The following SLX4IP variants were observed in gnomAD, a reference collection of about 807,000 sequenced individuals.
The protein encoded by SLX4IP is protein SLX4IP.
SLX4IP carries 34 observed loss-of-function variants against 32.9 expected under a neutral mutation model. The ratio of observed to expected loss-of-function variants is 1.03; its 90% confidence interval spans 0.79 to 1.38. SLX4IP has a LOEUF of 1.38. Ranked by LOEUF, SLX4IP falls within the 40% of genes most tolerant of loss-of-function variation. The pLI, the probability that SLX4IP is intolerant of heterozygous loss-of-function variation, is 0.00. For synonymous variants in SLX4IP, 172 were observed against 171.7 expected (o/e 1.00, Z -0.01); for missense variants, 444 against 479.0 (o/e 0.93, Z 0.68).
intron 2 of SLX4IP, among the ~76,000 whole-genome samples, chr20:10,537,733 T>G (rs1039918335): frequency 2.6e-5 from 4 of 152,242 alleles, no homozygotes; most frequent in African/African-American, 9.6e-5. Flanking sequence ...CTTTAAGTTT[T>G]ACCCTTATGC....
chr20:10,488,582 C>T (rs640415), intron 2 of SLX4IP, among the ~76,000 whole-genome samples: 59,377 of 151,870 alleles, frequency 0.39, 11,830 homozygotes, highest in Non-Finnish European at 0.43. Flanking sequence ...TTGTAAAATG[C>T]TGAGCAAGCC....
chr20:10,598,662 T>G lies in SLX4IP; in HGVS notation c.239-13T>G. 1 of 1,613,422 alleles carries G rather than the reference T, an allele frequency of 6.2e-7. No homozygotes were observed. The highest frequency in any genetic ancestry group is 8.5e-7 in the Non-Finnish European group (1 of 1,179,310). Reference sequence around the variant, plus strand: ...ACAAACTTAACTTAGTGATGTTCCCTTTCACTTTCCAGGTTATGGCTTTCA... The same window carrying G: ...ACAAACTTAACTTAGTGATGTTCCCGTTCACTTTCCAGGTTATGGCTTTCA... On this transcript the variant is annotated splice_polypyrimidine_tract_variant and intron_variant, in intron 4 of 7. Transcript: ENST00000334534.
At chr20:10,490,302 C>T (rs2065611670) in intron 2 of SLX4IP, among the ~76,000 whole-genome samples, 1 of 151,582 alleles carries the variant, frequency 6.6e-6, no homozygotes, top group Admixed American at 6.6e-5. Context: ...TTAAAATATT[C>T]CATTTCCGGG....
intron 2 of SLX4IP, among the ~76,000 whole-genome samples, chr20:10,511,004 G>A (rs1489541560): frequency 1.3e-5 from 2 of 152,214 alleles, no homozygotes; most frequent in Non-Finnish European, 2.9e-5. Context: ...CACTGGGCCT[G>A]TTGTTGGAGA....
chr20:10,491,756 C>T (rs765530295), intron 2 of SLX4IP, among the ~76,000 whole-genome samples: 1 of 152,068 alleles, frequency 6.6e-6, no homozygotes, highest in African/African-American at 2.4e-5. Context: ...ACTCATTGTT[C>T]AACGTAATAG....
At chr20:10,582,886 C>T (rs2066600969) in intron 4 of SLX4IP, among the ~76,000 whole-genome samples, 2 of 152,034 alleles carry the variant, frequency 1.3e-5, no homozygotes, top group East Asian at 3.9e-4. Flanking sequence ...GATTTATGTT[C>T]TGAGACTTTG....
chr20:10,516,678 G>C (rs1001593309), intron 2 of SLX4IP, among the ~76,000 whole-genome samples: 1 of 152,224 alleles, frequency 6.6e-6, no homozygotes, highest in Non-Finnish European at 1.5e-5. Context: ...AGCTGTGATA[G>C]AAATATCAAG....
At chr20:10,591,222 A>G (rs2066705651) in intron 4 of SLX4IP, among the ~76,000 whole-genome samples, 2 of 152,218 alleles carry the variant, frequency 1.3e-5, no homozygotes, top group South Asian at 4.1e-4. Context: ...TAGGTATAGC[A>G]TCTTCTCACT....
chr20:10,532,237 T>G (rs1202588222), intron 2 of SLX4IP, among the ~76,000 whole-genome samples: 6 of 152,154 alleles, frequency 3.9e-5, no homozygotes, highest in African/African-American at 1.4e-4. Context: ...AATCAAAAGA[T>G]TGATGTCACC....
chr20:10,538,291 A>AT (rs1555812845), intron 2 of SLX4IP, among the ~76,000 whole-genome samples: 18 of 151,692 alleles, frequency 1.2e-4, no homozygotes, highest in Non-Finnish European at 2.6e-4. Flanking sequence ...AAGGTTTTAG[A>AT]CAAGGTTTCT....
intron 2 of SLX4IP, among the ~76,000 whole-genome samples, chr20:10,550,923 C>A (rs997387101): frequency 1.8e-4 from 28 of 152,286 alleles, no homozygotes; most frequent in South Asian, 1.2e-3. Flanking sequence ...GCCACAGTGC[C>A]CAGCTGCTGC....
In SLX4IP at chr20:10,626,486, T is replaced by G. The variant is rs1208575195; in HGVS notation, c.*3107T>G. 1 of 152,144 alleles carries G rather than the reference T, an allele frequency of 6.6e-6. No homozygotes were observed. Among genetic ancestry groups the G allele is most frequent in the African/African-American group, 2.4e-5 (1 of 41,424 alleles). The allele number at this position is 152,144 out of a possible 1,614,324, so 9.4% of individuals were successfully genotyped here. On this transcript the variant is annotated 3_prime_UTR_variant, in exon 8 of 8. Coordinates refer to ENST00000334534, the MANE Select transcript of SLX4IP (RefSeq NM_001009608.3). The stretch of plus-strand genomic sequence containing the variant: ...GTGACTCCAATGCTTGGAGAAGTCA[T>G]TGATATGATTTGATTAATGTTATAA...
chr20:10,534,492 G>T (rs952782730), intron 2 of SLX4IP, among the ~76,000 whole-genome samples: 2 of 152,172 alleles, frequency 1.3e-5, no homozygotes, highest in African/African-American at 2.4e-5. Flanking sequence ...AGGGTGAGTT[G>T]CCCTGGTCTG....
chr20:10,545,794 C>G (rs531375807), intron 2 of SLX4IP, among the ~76,000 whole-genome samples: 2 of 152,280 alleles, frequency 1.3e-5, no homozygotes, highest in South Asian at 4.1e-4. Context: ...CTTTCCTCTT[C>G]CTTCCTGCTT....
intron 2 of SLX4IP, among the ~76,000 whole-genome samples, chr20:10,498,803 T>G (rs748396261): frequency 3.9e-5 from 6 of 152,016 alleles, no homozygotes; most frequent in Non-Finnish European, 1.5e-5. Context: ...ATATTAAAAT[T>G]CTTTTTGAAA....
chr20:10,595,677 T>C (rs753004498), intron 4 of SLX4IP, among the ~76,000 whole-genome samples: 1 of 152,212 alleles, frequency 6.6e-6, no homozygotes, highest in Non-Finnish European at 1.5e-5. Context: ...ATAAATGAAA[T>C]ACATCTTTCT....
rs569156371 is a variant in SLX4IP, at chr20:10,537,752, CATGCAAATTACCCAAAATAAAA to C, written c.28-18475_28-18454del. On this transcript the variant is annotated intron_variant, in intron 2 of 7. Coordinates refer to ENST00000334534, the MANE Select transcript of SLX4IP (RefSeq NM_001009608.3). Reference sequence around the variant, plus strand: ...AAGTTTTACCCTTATGCAAATGCCCCATGCAAATTACCCAAAATAAAAATGGTTAGGTAACAAGGTCTCTCAA... The same window carrying C: ...AAGTTTTACCCTTATGCAAATGCCCCATGGTTAGGTAACAAGGTCTCTCAA... 1.8e-4 allele frequency among the ~76,000 whole-genome samples: 28 copies of C among 152,286 alleles called. 1 individual carries two copies. In the East Asian group the frequency reaches 5.2e-3, roughly 28 times the overall value.
chr20:10,514,506 T>C (rs2065834367), intron 2 of SLX4IP, among the ~76,000 whole-genome samples: 1 of 152,250 alleles, frequency 6.6e-6, no homozygotes. Flanking sequence ...GGTCAGATTA[T>C]GCTGAAGTTA....
intron 2 of SLX4IP, among the ~76,000 whole-genome samples, chr20:10,489,273 A>G (rs587708): frequency 0.33 from 49,562 of 152,070 alleles, 9,296 homozygotes; most frequent in Non-Finnish European, 0.43. Flanking sequence ...AAATCAAGAC[A>G]TTGTACTTGG....
Sources: gnomAD v4.1 joint callset for allele counts (sites outside exome capture counted in the v4.1 genomes callset) on GRCh38, gnomAD v4.1.1 for gene constraint, MANE v1.5 for transcripts, NCBI Gene and HGNC (gene_info 2026-07-23, HGNC 2026-07-21) for gene names.